The following TRIO variants were observed in gnomAD, a reference collection of about 807,000 sequenced individuals.
The protein encoded by TRIO is triple functional domain protein.
TRIO carries 58 observed loss-of-function variants against 351.9 expected under a neutral mutation model. That is an observed-to-expected ratio of 0.16 (90% CI 0.13 to 0.21). TRIO has a LOEUF of 0.21. Among genes scored for constraint, TRIO ranks in the 10% least tolerant of loss-of-function variants. TRIO has a pLI of 1.00. For synonymous variants in TRIO, 1,758 were observed against 1,595.7 expected (o/e 1.10, Z -2.42); for missense variants, 3,201 against 4,027.8 (o/e 0.79, Z 5.56).
chr5:14,491,527 T>C (rs1756482571), intron 48 of TRIO, among the ~76,000 whole-genome samples: 1 of 152,242 alleles, frequency 6.6e-6, no homozygotes, highest in African/African-American at 2.4e-5. Context: ...GCAGGGGATC[T>C]GCATTTCTTC....
intron 33 of TRIO, among the ~76,000 whole-genome samples, chr5:14,415,069 C>G (rs1474687184): frequency 6.6e-6 from 1 of 152,164 alleles, no homozygotes; most frequent in African/African-American, 2.4e-5. Flanking sequence ...AACCGCAAGA[C>G]CCTTTTGTGA....
chr5:14,173,849 G>T (rs574304495), intron 1 of TRIO, among the ~76,000 whole-genome samples: 12 of 152,222 alleles, frequency 7.9e-5, no homozygotes, highest in Non-Finnish European at 1.3e-4. Flanking sequence ...AATTAGAAGC[G>T]TCTGTCTCTG....
chr5:14,434,589 A>G (rs116421097), intron 34 of TRIO, among the ~76,000 whole-genome samples: 7,167 of 152,260 alleles, frequency 0.047, 189 homozygotes, highest in Admixed American at 0.058. Context: ...CAGCTCCCCC[A>G]ATAGTAACAT....
chr5:14,300,761 T>C (rs1294198490), intron 7 of TRIO, among the ~76,000 whole-genome samples: 1 of 152,240 alleles, frequency 6.6e-6, no homozygotes, highest in Non-Finnish European at 1.5e-5. Flanking sequence ...GAACTTTCGC[T>C]GAGGTCTATG....
At chr5:14,281,980 G>A (rs1425678657) in intron 3 of TRIO, among the ~76,000 whole-genome samples, 2 of 152,174 alleles carry the variant, frequency 1.3e-5, no homozygotes, top group African/African-American at 2.4e-5. Context: ...AGGCAGCCAT[G>A]CCCCTCCCTA....
Position 14,481,270 on chromosome 5 carries a change from A to T in TRIO, c.6373A>T (p.Thr2125Ser), listed in dbSNP as rs1755491530. The change falls in exon 44 of 57, where the codon ACA becomes TCA. Residue 2125 changes from threonine (T) to serine (S), a missense_variant. Transcript: ENST00000344204. ...GTATTCCAAAAAGGCCAGCCTGGAT[A>T]CATCAGAATTAGAGGTACATGCATC... ...LKYSKKASLD[T>S]SELERAVEVM... 6.2e-7 allele frequency: 1 copy of T among 1,614,098 alleles called. No individual in the cohort carries two copies. Among genetic ancestry groups the T allele is most frequent in the Non-Finnish European group, 8.5e-7 (1 of 1,180,004 alleles).
At chr5:14,388,457 G>A (rs536883924) in intron 23 of TRIO, among the ~76,000 whole-genome samples, 156 bp from the exon 24 acceptor site, 6 of 152,228 alleles carry the variant, frequency 3.9e-5, no homozygotes, top group Middle Eastern at 3.4e-3. Flanking sequence ...TTGAATTAGC[G>A]GGTGGATACT....
At chr5:14,196,742 GCT>G (rs1790798453) in intron 1 of TRIO, among the ~76,000 whole-genome samples, 1 of 152,206 alleles carries the variant, frequency 6.6e-6, no homozygotes, top group South Asian at 2.1e-4. Context: ...AGATGTTCTG[GCT>G]CTGAGTCCAG....
intron 2 of TRIO, among the ~76,000 whole-genome samples, chr5:14,271,528 CAT>C (rs1350638540): frequency 6.6e-6 from 1 of 152,218 alleles, no homozygotes; most frequent in Non-Finnish European, 1.5e-5. Flanking sequence ...CTCTTCTGCA[CAT>C]AGTCAGCGTT....
At chr5:14,207,471 C>G (rs1028806229) in intron 1 of TRIO, among the ~76,000 whole-genome samples, 7 of 118,112 alleles carry the variant, frequency 5.9e-5, no homozygotes, top group African/African-American at 9.5e-5. Flanking sequence ...TCTACACACA[C>G]ACACACACAC....
chr5:14,231,924 T>A (rs1217755956), intron 1 of TRIO, among the ~76,000 whole-genome samples: 6 of 152,002 alleles, frequency 3.9e-5, no homozygotes, highest in Admixed American at 6.6e-5. Context: ...GTTGGGAATC[T>A]ATATGTAGAA....
rs1322493773 is a variant in TRIO, at chr5:14,372,297, C to T, written c.3217-1932C>T. Among the ~76,000 whole-genome samples the T allele has an allele frequency of 2.0e-5, 3 of 150,726 alleles. No individual in the cohort carries two copies. The East Asian group carries it at 5.9e-4, about 30-fold the overall frequency. On this transcript the variant is annotated intron_variant, in intron 18 of 56. Coordinates refer to ENST00000344204, the MANE Select transcript of TRIO (RefSeq NM_007118.4). The stretch of plus-strand genomic sequence containing the variant: ...GAGAGTGCAGGCGAGCTTGGAAAAC[C>T]TTGCCAGTGGTGCTTGTACTTCCTA...
chr5:14,384,919 A>AG (rs1426129306), intron 21 of TRIO, among the ~76,000 whole-genome samples: 1 of 152,118 alleles, frequency 6.6e-6, no homozygotes. Flanking sequence ...CAAATCAATA[A>AG]GGAAAAAAAA....
chr5:14,228,642 G>T (rs181023549), intron 1 of TRIO, among the ~76,000 whole-genome samples: 1 of 152,242 alleles, frequency 6.6e-6, no homozygotes, highest in East Asian at 1.9e-4. Flanking sequence ...ATATCATTTT[G>T]ACTAAGTTTT....
chr5:14,376,689 C>A (rs1561412014), intron 19 of TRIO, among the ~76,000 whole-genome samples: 1 of 152,204 alleles, frequency 6.6e-6, no homozygotes, highest in Admixed American at 6.5e-5. Context: ...ACTGTTCTAA[C>A]CAGCGCTTCA....
chr5:14,474,668 A>G (rs1754919868), intron 40 of TRIO, among the ~76,000 whole-genome samples: 1 of 152,022 alleles, frequency 6.6e-6, no homozygotes, highest in South Asian at 2.1e-4. Flanking sequence ...ATTTTATGTT[A>G]TTTTTATTTT....
At chr5:14,366,387 G>A (rs1744592296) in intron 15 of TRIO, among the ~76,000 whole-genome samples, 1 of 151,816 alleles carries the variant, frequency 6.6e-6, no homozygotes, top group South Asian at 2.1e-4. Context: ...TTCATACCTT[G>A]GTTATTATGC....
At chr5:14,372,150 C>T (rs1261211490) in intron 18 of TRIO, among the ~76,000 whole-genome samples, 3 of 148,756 alleles carry the variant, frequency 2.0e-5, no homozygotes, top group Non-Finnish European at 4.4e-5. Flanking sequence ...CATTTAGCAC[C>T]ATCCACAATT....
Position 14,270,938 on chromosome 5 carries a change from C to T in TRIO, c.232+39C>T, listed in dbSNP as rs751749599. Reference sequence around the variant, plus strand: ...TTCAACTCTGCTCTATCCAACTGCTCTGACACAATTTCAGAGTCTGACGTA... The same window carrying T: ...TTCAACTCTGCTCTATCCAACTGCTTTGACACAATTTCAGAGTCTGACGTA... On this transcript the variant is annotated intron_variant, in intron 2 of 56. Transcript: ENST00000344204. The T allele has an allele frequency of 1.2e-5, 18 of 1,444,284 alleles. No individual in the cohort carries two copies. In the South Asian group the frequency reaches 1.3e-4, roughly 10 times the overall value. The allele number at this position is 1,444,284 out of a possible 1,614,324, so 89.5% of individuals were successfully genotyped here.
Sources: gnomAD v4.1 joint callset for allele counts (sites outside exome capture counted in the v4.1 genomes callset) on GRCh38, gnomAD v4.1.1 for gene constraint, MANE v1.5 for transcripts, NCBI Gene and HGNC (gene_info 2026-07-23, HGNC 2026-07-21) for gene names.